Variants in WDR41 observed in about 807,000 individuals in gnomAD.
WDR41 encodes the protein WD repeat domain 41, also known as WD repeat-containing protein 41.
A neutral mutation model predicts 69.3 loss-of-function variants in WDR41; 63 were observed. That is an observed-to-expected ratio of 0.91 (90% CI 0.74 to 1.12). WDR41 has a LOEUF of 1.12. WDR41 is among the 50% of genes most tolerant of loss of function. The pLI is 0.00. For synonymous variants in WDR41, 185 were observed against 192.1 expected, an observed-to-expected ratio of 0.96 and a Z score of 0.31; for missense variants, 543 against 534.5, an observed-to-expected ratio of 1.02 and a Z score of -0.16.
rs1799030275 is a variant in WDR41 at position 77,438,371 on chromosome 5, G to C, written c.883-10C>G. 2 of 1,613,436 alleles carry C rather than the reference G, an allele frequency of 1.2e-6. No homozygotes were observed. Among genetic ancestry groups the C allele is most frequent in the Admixed American group, 3.3e-5 (2 of 59,980 alleles). ...CTGCAGCAAATACATTCTAGGGGAA[G>C]AAGTTCAGAAATGGGCATAAAACTA... On this transcript the variant is annotated splice_polypyrimidine_tract_variant and intron_variant, in intron 9 of 12. Transcript: ENST00000296679.
chr5:77,505,531 TAAAAAAG>T (rs1323168435), intron 1 of WDR41, among the ~76,000 whole-genome samples: 2 of 151,058 alleles, frequency 1.3e-5, no homozygotes, highest in Admixed American at 1.3e-4. Context: ...AAACTAAAGT[TAAAAAAG>T]TAAAGTTCAT....
chr5:77,597,402 GTTTC>G (rs941647894), intron 1 of WDR41, among the ~76,000 whole-genome samples: 4 of 152,284 alleles, frequency 2.6e-5, no homozygotes, highest in South Asian at 2.1e-4. Flanking sequence ...ATTTTAGATA[GTTTC>G]TTTATTTAGT....
At chr5:77,456,264 C>T (rs1167020561) in intron 5 of WDR41, among the ~76,000 whole-genome samples, 4 of 152,170 alleles carry the variant, frequency 2.6e-5, no homozygotes, top group African/African-American at 9.7e-5. Flanking sequence ...CCACCTTGGC[C>T]TCCCAAAGTG....
At chr5:77,542,774 G>T (rs1743116439) in intron 1 of WDR41, among the ~76,000 whole-genome samples, 1 of 152,176 alleles carries the variant, frequency 6.6e-6, no homozygotes, top group Admixed American at 6.5e-5. Flanking sequence ...CTAGATTTCA[G>T]CTCCAACTCG....
intron 2 of WDR41, among the ~76,000 whole-genome samples, chr5:77,473,459 T>C (rs1800730596): frequency 6.6e-6 from 1 of 152,090 alleles, no homozygotes; most frequent in East Asian, 1.9e-4. Context: ...CTAATTAAAC[T>C]AAAGAGCTTC....
At chr5:77,559,620 G>T (rs987178576) in intron 1 of WDR41, among the ~76,000 whole-genome samples, 4 of 150,880 alleles carry the variant, frequency 2.7e-5, no homozygotes, top group Non-Finnish European at 5.9e-5. Context: ...TTTGTTATAT[G>T]TCAGCATTAT....
chr5:77,604,743 A>C (rs942111863), intron 1 of WDR41, among the ~76,000 whole-genome samples: 1 of 152,184 alleles, frequency 6.6e-6, no homozygotes, highest in African/African-American at 2.4e-5. Flanking sequence ...GACCTAAATG[A>C]TCACCAATAG....
chr5:77,564,427 T>G (rs755272732), intron 1 of WDR41, among the ~76,000 whole-genome samples: 3 of 152,144 alleles, frequency 2.0e-5, no homozygotes, highest in Non-Finnish European at 4.4e-5. Context: ...CACAATAAAT[T>G]CATATTTTAC....
intron 2 of WDR41, among the ~76,000 whole-genome samples, chr5:77,471,832 C>T (rs893925673): frequency 2.6e-5 from 4 of 152,110 alleles, no homozygotes; most frequent in African/African-American, 7.2e-5. Flanking sequence ...GATTCACAGC[C>T]GAATTCTACC....
chr5:77,513,422 A>T (rs1802239281), intron 1 of WDR41, among the ~76,000 whole-genome samples: 1 of 152,184 alleles, frequency 6.6e-6, no homozygotes, highest in Admixed American at 6.5e-5. Context: ...AGAGTAGAAA[A>T]TAACAGCAGA....
chr5:77,451,840 T>C (rs1799639301), intron 6 of WDR41: 1 of 153,072 alleles, frequency 6.5e-6, no homozygotes, highest in African/African-American at 2.4e-5. Flanking sequence ...CACTAATACA[T>C]GTAAAATTTT....
At position 77,492,281 on chromosome 5, in the gene WDR41, T is replaced by C; in HGVS notation, c.-61A>G. 1 of 1,602,418 alleles carries C rather than the reference T, an allele frequency of 6.2e-7. No homozygotes were observed. The highest frequency in any genetic ancestry group is 1.3e-5 in the African/African-American group (1 of 74,628). On this transcript the variant is annotated 5_prime_UTR_variant, in exon 1 of 13. Coordinates refer to ENST00000296679, the MANE Select transcript of WDR41 (RefSeq NM_018268.4). ...AGTCAGCCCAAACTCCGCCCCAGGC[T>C]CGGCCTCCTCCTTCCTCCCCGGCTG...
At chr5:77,582,342 C>T in intron 1 of WDR41, 3 of 1,577,828 alleles carry the variant, frequency 1.9e-6, no homozygotes, top group Non-Finnish European at 2.6e-6. Flanking sequence ...GCAGAGTACG[C>T]ATGCGCCAAC....
At chr5:77,446,522 A>G (rs190810288) in intron 8 of WDR41, among the ~76,000 whole-genome samples, 90 of 152,382 alleles carry the variant, frequency 5.9e-4, no homozygotes, top group Non-Finnish European at 8.8e-4. Context: ...CTGACTGCAA[A>G]CTATATTACA....
chr5:77,465,174 G>A (rs549450074), intron 2 of WDR41, among the ~76,000 whole-genome samples: 8 of 152,184 alleles, frequency 5.3e-5, no homozygotes, highest in East Asian at 1.9e-4. Flanking sequence ...AAGTGATTAC[G>A]ATGTTAAATA....
intron 1 of WDR41, among the ~76,000 whole-genome samples, chr5:77,563,777 GAAAT>G (rs1743566825): frequency 6.6e-6 from 1 of 152,080 alleles, no homozygotes; most frequent in Non-Finnish European, 1.5e-5. Flanking sequence ...AATAAAGTAA[GAAAT>G]AGAATGCAAA....
At position 77,439,125 on chromosome 5, in the gene WDR41, G is replaced by A. The variant is rs891699713; in HGVS notation, c.883-764C>T. On this transcript the variant is annotated intron_variant, in intron 9 of 12. Coordinates refer to ENST00000296679, the MANE Select transcript of WDR41 (RefSeq NM_018268.4). Reference sequence around the variant, plus strand: ...CTCCAGTCCCTTGCTCATTCCTCACGTGACTCACATGCAGTAGTAGCCTTT... The same window carrying A: ...CTCCAGTCCCTTGCTCATTCCTCACATGACTCACATGCAGTAGTAGCCTTT... 1.1e-4 allele frequency among the ~76,000 whole-genome samples: 16 copies of A among 152,252 alleles called. No individual in the cohort carries two copies. The East Asian group carries it at 2.9e-3, about 28-fold the overall frequency.
chr5:77,471,995 C>T (rs1800641934), intron 2 of WDR41, among the ~76,000 whole-genome samples: 1 of 152,172 alleles, frequency 6.6e-6, no homozygotes, highest in Non-Finnish European at 1.5e-5. Context: ...GACCAATAAC[C>T]CTGATGAACA....
intron 8 of WDR41, among the ~76,000 whole-genome samples, chr5:77,441,505 G>A (rs767488309): frequency 1.2e-4 from 19 of 152,074 alleles, no homozygotes; most frequent in African/African-American, 3.1e-4. Context: ...TTGGGAAGCC[G>A]AGGCAGGTGG....
Sources: gnomAD v4.1 joint callset for allele counts (sites outside exome capture counted in the v4.1 genomes callset) on GRCh38, gnomAD v4.1.1 for gene constraint, MANE v1.5 for transcripts, NCBI Gene and HGNC (gene_info 2026-07-23, HGNC 2026-07-21) for gene names.